Variants in INTS2 observed in about 807,000 individuals in gnomAD.
INTS2 encodes the protein integrator complex subunit 2.
In INTS2, 57 loss-of-function variants were observed where a neutral mutation model predicts 139.6. The ratio of observed to expected loss-of-function variants is 0.41; its 90% CI spans 0.33 to 0.51. INTS2 has a LOEUF of 0.51. Among genes scored for constraint, INTS2 ranks in the 20% least tolerant of loss-of-function variants. INTS2 has a pLI of 0.28. For synonymous variants in INTS2, 473 were observed against 493.4 expected (o/e 0.96, Z 0.55); for missense variants, 1,196 against 1,436.7 (o/e 0.83, Z 2.71).
At chr17:61,914,220 T>C (rs533791006) in intron 5 of INTS2, among the ~76,000 whole-genome samples, 2 of 152,170 alleles carry the variant, frequency 1.3e-5, no homozygotes, top group South Asian at 2.1e-4. Context: ...AAAGATGACA[T>C]GGCTGTATTA....
intron 7 of INTS2, among the ~76,000 whole-genome samples, chr17:61,908,729 G>A (rs557813394): frequency 1.3e-5 from 2 of 152,228 alleles, no homozygotes; most frequent in South Asian, 2.1e-4. Flanking sequence ...CAAACAAGAT[G>A]AGCATGCCAA....
At chr17:61,895,020 A>T (rs890124664) in intron 12 of INTS2, among the ~76,000 whole-genome samples, 1 of 152,154 alleles carries the variant, frequency 6.6e-6, no homozygotes, top group Non-Finnish European at 1.5e-5. Flanking sequence ...GACACATTAA[A>T]ACAATTACCC....
At position 61,913,106 on chromosome 17, in the gene INTS2, G is replaced by A. The variant is rs186365775; in HGVS notation, c.650-1036C>T. ...AAGAGAAAAAGTAACTAGAGCAGAG[G>A]ATAGGCGCATCACCTGAGGCCAGGA... On this transcript the variant is annotated intron_variant, in intron 5 of 24. Transcript: ENST00000251334. Among the ~76,000 whole-genome samples the A allele has an allele frequency of 3.6e-3, 537 of 150,816 alleles. 6 individuals carry two copies. The highest frequency in any genetic ancestry group is 4.4e-3 in the Non-Finnish European group (301 of 67,786).
Position 61,881,080 on chromosome 17 carries a change from C to T in INTS2, c.2181G>A (p.Gly727=). The change falls in exon 17 of 25, where the codon GGG becomes GGA. Residue 727 remains glycine (G), a synonymous_variant. Coordinates refer to ENST00000251334, the MANE Select transcript of INTS2 (RefSeq NM_001351695.2). ...DDWICEEEIT[G]TDALLRRMLL... ...GCATTCGCCGTAGCAGGGCATCAGT[C>T]CCTGTGATTTCTTCTTCACAAATCC... 1 of 1,613,682 alleles carries T rather than the reference C, an allele frequency of 6.2e-7. No homozygotes were observed. Among genetic ancestry groups the T allele is most frequent in the East Asian group, 2.2e-5 (1 of 44,880 alleles).
In INTS2 at chr17:61,885,013, A is replaced by C. The variant is rs772887984; in HGVS notation, c.1985-8T>G. On this transcript the variant is annotated splice_polypyrimidine_tract_variant and splice_region_variant and intron_variant, in intron 15 of 24. Coordinates refer to ENST00000251334, the MANE Select transcript of INTS2 (RefSeq NM_001351695.2). ...GCTTTCTTTGCATGGCAGCTATCAA[A>C]GATAAAAAGTGTAAAATAAATAAAA... 1 of 1,533,578 alleles carries C rather than the reference A, an allele frequency of 6.5e-7. No homozygotes were observed. Among genetic ancestry groups the C allele is most frequent in the Non-Finnish European group, 8.9e-7 (1 of 1,121,018 alleles). 95.0% of individuals were successfully genotyped at this position (1,533,578 alleles called of 1,614,324 possible).
At position 61,909,803 on chromosome 17, in the gene INTS2, G is replaced by T. The variant is rs565943815; in HGVS notation, c.954+1717C>A. On this transcript the variant is annotated intron_variant, in intron 7 of 24. Transcript: ENST00000251334. This position sits in a 1 kb window ranked among gnomAD's most constrained non-coding sequence, Gnocchi z 4.9. ...TTTGTGTGTGTGTATACATATATAC[G>T]TGTGTGTGTACATGTGTGTATGTGT... is the stretch of plus-strand genomic sequence containing the variant. Among the ~76,000 whole-genome samples, 1 of 138,980 alleles carries T rather than the reference G, an allele frequency of 7.2e-6. No individual in the cohort carries two copies. The highest frequency in any genetic ancestry group is 1.5e-5 in the Non-Finnish European group (1 of 64,954). 91.2% of individuals were successfully genotyped at this position (138,980 alleles called of 152,430 possible).
chr17:61,922,938 A>T (rs1054399146), intron 3 of INTS2, among the ~76,000 whole-genome samples: 1 of 151,322 alleles, frequency 6.6e-6, no homozygotes, highest in Non-Finnish European at 1.5e-5. Context: ...ATTAGCAGGC[A>T]TGGTGGCGGG....
rs2079142468 is a variant in INTS2 at position 61,878,096 on chromosome 17, G to T, written c.2255-8C>A. On this transcript the variant is annotated splice_region_variant and splice_polypyrimidine_tract_variant and intron_variant, in intron 17 of 24. Transcript: ENST00000251334. ...CTGGGACAGCTGAAAATGCTAAAAA[G>T]AAAATTTAGCAATCATAACCTAAAT... The T allele has an allele frequency of 6.4e-7, 1 of 1,574,278 alleles. No individual in the cohort carries two copies. Among genetic ancestry groups the T allele is most frequent in the African/African-American group, 1.3e-5 (1 of 74,200 alleles).
At chr17:61,925,845 T>C (rs1408609294) in intron 2 of INTS2, among the ~76,000 whole-genome samples, 3 of 151,722 alleles carry the variant, frequency 2.0e-5, no homozygotes, top group African/African-American at 7.3e-5. Context: ...GCCAACATGA[T>C]GAAACCCCAT....
Position 61,870,468 on chromosome 17 carries a change from G to A in INTS2, c.2779-480C>T, listed in dbSNP as rs1320189411. ...CCTGTTTAAGGCTCTGGTTTCACAA[G>A]GAAAGAGTCTACCTTACCATCCATT... is the stretch of plus-strand genomic sequence containing the variant. On this transcript the variant is annotated intron_variant, in intron 20 of 24. Coordinates refer to ENST00000251334, the MANE Select transcript of INTS2 (RefSeq NM_001351695.2). The surrounding 1 kb of genome is among the most constrained non-coding windows in gnomAD (Gnocchi z 4.4). 1.3e-5 allele frequency among the ~76,000 whole-genome samples: 2 copies of A among 152,028 alleles called. No homozygotes were observed. Among genetic ancestry groups the A allele is most frequent in the Non-Finnish European group, 2.9e-5 (2 of 68,012 alleles).
In INTS2 at chr17:61,893,758, G is replaced by T. The variant is rs770218425; in HGVS notation, c.1698+7C>A. ...GCTTTTATTTTGTTTTATTTGTAGGGGCATACTTTTATTGACACTTTGTGC... is the reference window on the plus strand; with the variant it reads ...GCTTTTATTTTGTTTTATTTGTAGGTGCATACTTTTATTGACACTTTGTGC... On this transcript the variant is annotated splice_region_variant and intron_variant, in intron 13 of 24. Coordinates refer to ENST00000251334, the MANE Select transcript of INTS2 (RefSeq NM_001351695.2). This position sits in a 1 kb window ranked among gnomAD's most constrained non-coding sequence, Gnocchi z 5.4. 1.4e-5 allele frequency: 22 copies of T among 1,569,712 alleles called. No homozygotes were observed. The East Asian group carries it at 5.1e-4, about 36-fold the overall frequency.
At chr17:61,921,429 A>G (rs1204476896) in intron 4 of INTS2, 1 of 191,496 alleles carries the variant, frequency 5.2e-6, no homozygotes, top group Non-Finnish European at 1.1e-5. Context: ...TCTACTTAAC[A>G]CTTTGCCCTT....
chr17:61,914,101 T>TA (rs920859874), intron 5 of INTS2, among the ~76,000 whole-genome samples: 96 of 150,924 alleles, frequency 6.4e-4, no homozygotes, highest in African/African-American at 2.2e-3. Context: ...GCCACTAGAT[T>TA]AAAAAAAATG....
At position 61,873,105 on chromosome 17, in the gene INTS2, T is replaced by G. The variant is rs1313242053; in HGVS notation, c.2583-645A>C. Among the ~76,000 whole-genome samples, 1 of 152,286 alleles carries G rather than the reference T, an allele frequency of 6.6e-6. No individual in the cohort carries two copies. The highest frequency in any genetic ancestry group is 1.9e-4 in the East Asian group (1 of 5,188). On this transcript the variant is annotated intron_variant, in intron 19 of 24. Coordinates refer to ENST00000251334, the MANE Select transcript of INTS2 (RefSeq NM_001351695.2). This position sits in a 1 kb window ranked among gnomAD's most constrained non-coding sequence, Gnocchi z 4.0. Reference sequence around the variant, plus strand: ...ATTTTCCCATGTTCTAATGAAATACTCAGCATGGGGAAATGCACATAATCA... The same window carrying G: ...ATTTTCCCATGTTCTAATGAAATACGCAGCATGGGGAAATGCACATAATCA...
rs778012673 is a variant in INTS2 at position 61,869,311 on chromosome 17, T to A, written c.3100A>T (p.Ile1034Leu). Reference protein sequence around the residue: ...IPSMHICLDFIPELIAQPELE... With the variant: ...IPSMHICLDFLPELIAQPELE... Reference sequence around the variant, plus strand: ...TCTGGCTGTGCAATAAGCTCAGGTATGAAATCTAGACAGATGTGCATAGAT... The same window carrying A: ...TCTGGCTGTGCAATAAGCTCAGGTAAGAAATCTAGACAGATGTGCATAGAT... The change falls in exon 22 of 25, where the codon ATA becomes TTA. Residue 1034 changes from isoleucine (I) to leucine (L), a missense_variant. This residue lies in a region of INTS2 where 1,129 missense variants were observed against 1,341.9 expected (regional missense o/e 0.84). Coordinates refer to ENST00000251334, the MANE Select transcript of INTS2 (RefSeq NM_001351695.2). The surrounding 1 kb of genome is among the most constrained non-coding windows in gnomAD (Gnocchi z 5.4). The A allele has an allele frequency of 2.5e-6, 4 of 1,607,082 alleles. No homozygotes were observed. Among genetic ancestry groups the A allele is most frequent in the Non-Finnish European group, 2.6e-6 (3 of 1,176,412 alleles).
chr17:61,923,654 G>A (rs143734973), intron 3 of INTS2, among the ~76,000 whole-genome samples: 21 of 151,730 alleles, frequency 1.4e-4, no homozygotes, highest in Admixed American at 1.3e-3. Context: ...TAAACATAAA[G>A]ATCTAATTTA....
intron 1 of INTS2, 71 bp from the exon 2 acceptor site, chr17:61,926,733 C>G: frequency 7.9e-7 from 1 of 1,267,032 alleles, no homozygotes; most frequent in Non-Finnish European, 1.1e-6. Flanking sequence ...TTTCTAAAAA[C>G]CCTGAAAAAT....
At chr17:61,892,331 A>C (rs1373613952) in intron 13 of INTS2, among the ~76,000 whole-genome samples, 3 of 152,272 alleles carry the variant, frequency 2.0e-5, no homozygotes, top group Non-Finnish European at 4.4e-5. Flanking sequence ...AAAAAGTTTC[A>C]GTCTACTTTA....
At chr17:61,917,439 T>C (rs559349070) in intron 5 of INTS2, among the ~76,000 whole-genome samples, 2 of 152,308 alleles carry the variant, frequency 1.3e-5, no homozygotes, top group Non-Finnish European at 2.9e-5. Flanking sequence ...TGAAATACTA[T>C]GCAGCCATTA....
Sources: allele counts gnomAD v4.1 joint callset (sites outside exome capture counted in the v4.1 genomes callset), GRCh38; gene constraint gnomAD v4.1.1; regional missense constraint gnomAD v4.1.1; non-coding constraint Gnocchi (gnomAD v3.1); transcripts MANE v1.5; gene names NCBI Gene and HGNC (gene_info 2026-07-23, HGNC 2026-07-21).